PPP1R9A: variants seen among roughly 807,000 people sequenced by gnomAD.
PPP1R9A encodes the protein neurabin-1.
PPP1R9A carries 59 observed loss-of-function variants against 141.9 expected under a neutral mutation model. The observed-to-expected ratio is 0.42, with a 90% CI of 0.34 to 0.52. PPP1R9A has a LOEUF of 0.52. PPP1R9A is among the 20% of genes least tolerant of loss of function. The probability of loss-of-function intolerance (pLI) is 0.10; values close to 1 mark genes in which losing one functional copy is unlikely to be tolerated. For synonymous variants in PPP1R9A, 500 were observed against 569.7 expected (o/e 0.88, Z 1.74); for missense variants, 1,444 against 1,611.9 (o/e 0.90, Z 1.78).
intron 2 of PPP1R9A, among the ~76,000 whole-genome samples, chr7:95,050,858 A>C (rs1307582354): frequency 6.6e-6 from 1 of 152,228 alleles, no homozygotes; most frequent in Non-Finnish European, 1.5e-5. Flanking sequence ...TATATCATAG[A>C]ATTTTATAAT....
intron 8 of PPP1R9A, among the ~76,000 whole-genome samples, chr7:95,233,455 T>C (rs1796253956): frequency 1.3e-5 from 2 of 152,102 alleles, no homozygotes; most frequent in Admixed American, 6.6e-5. Flanking sequence ...CCGTGGCACA[T>C]GTATACCTAT....
chr7:95,108,302 C>CTTT (rs1819885993), intron 2 of PPP1R9A, among the ~76,000 whole-genome samples: 2 of 68,752 alleles, frequency 2.9e-5, no homozygotes, highest in African/African-American at 5.3e-5. Flanking sequence ...TTTTTCGTTT[C>CTTT]TTTTCTTTTT....
intron 5 of PPP1R9A, among the ~76,000 whole-genome samples, chr7:95,174,106 A>G (rs938544735): frequency 7.9e-5 from 12 of 152,150 alleles, no homozygotes; most frequent in Admixed American, 3.9e-4. Flanking sequence ...AAAACTGGAA[A>G]CAACTCAAGT....
At chr7:95,225,502 G>A (rs751718515) in intron 7 of PPP1R9A, among the ~76,000 whole-genome samples, 1 of 152,116 alleles carries the variant, frequency 6.6e-6, no homozygotes, top group Non-Finnish European at 1.5e-5. Context: ...CTAACGCTTA[G>A]GAGAATTAAT....
chr7:95,197,288 CAG>C (rs1836421805), intron 5 of PPP1R9A, among the ~76,000 whole-genome samples: 1 of 152,040 alleles, frequency 6.6e-6, no homozygotes, highest in Non-Finnish European at 1.5e-5. Context: ...TTTAGAAAAA[CAG>C]AAACATATTA....
At chr7:94,936,237 A>G (rs1003268291) in intron 2 of PPP1R9A, among the ~76,000 whole-genome samples, 42 of 152,302 alleles carry the variant, frequency 2.8e-4, no homozygotes, top group African/African-American at 8.9e-4. Flanking sequence ...TCTGGGCGCC[A>G]GTTTCCTCTT....
At chr7:95,289,990 A>G (rs1203831683) in intron 19 of PPP1R9A, 101 bp from the exon 20 acceptor site, 5 of 1,517,814 alleles carry the variant, frequency 3.3e-6, no homozygotes, top group Admixed American at 2.3e-5. Context: ...TTACCTCTTC[A>G]ATGTTTGAAT....
At chr7:95,078,347 A>G (rs1312494616) in intron 2 of PPP1R9A, among the ~76,000 whole-genome samples, 5 of 151,612 alleles carry the variant, frequency 3.3e-5, no homozygotes, top group Non-Finnish European at 5.9e-5. Flanking sequence ...TCCATGGTAT[A>G]TATGTGCCAC....
intron 2 of PPP1R9A, among the ~76,000 whole-genome samples, chr7:95,020,877 C>A (rs7792036): frequency 0.66 from 100,711 of 152,110 alleles, 34,349 homozygotes; most frequent in African/African-American, 0.82. Flanking sequence ...TCTGTCATTG[C>A]TGGGCATTTG....
intron 7 of PPP1R9A, among the ~76,000 whole-genome samples, chr7:95,223,682 A>G (rs953206420): frequency 6.6e-6 from 1 of 152,068 alleles, no homozygotes; most frequent in Non-Finnish European, 1.5e-5. Context: ...AAAACGTGCC[A>G]CATTGTTAGG....
At chr7:95,103,217 A>G (rs1819015940) in intron 2 of PPP1R9A, among the ~76,000 whole-genome samples, 1 of 22,220 alleles carries the variant, frequency 4.5e-5, no homozygotes, top group African/African-American at 1.9e-4. Context: ...AAATATATAT[A>G]GTATGTATAA....
At chr7:95,042,298 T>C (rs543281075) in intron 2 of PPP1R9A, among the ~76,000 whole-genome samples, 1 of 152,322 alleles carries the variant, frequency 6.6e-6, no homozygotes, top group East Asian at 1.9e-4. Flanking sequence ...AATGGGTCTT[T>C]TTCTGAAATT....
At chr7:95,086,564 A>G (rs572366395) in intron 2 of PPP1R9A, among the ~76,000 whole-genome samples, 18 of 152,112 alleles carry the variant, frequency 1.2e-4, no homozygotes, top group East Asian at 3.9e-4. Flanking sequence ...GTTGATTACT[A>G]ACTAAGGGGA....
At chr7:95,099,550 A>G (rs1818480189) in intron 2 of PPP1R9A, among the ~76,000 whole-genome samples, 1 of 152,152 alleles carries the variant, frequency 6.6e-6, no homozygotes, top group Non-Finnish European at 1.5e-5. Context: ...TTTAGGTTTA[A>G]TTGTCTTAGA....
chr7:95,268,279 A>G (rs1029125849), intron 12 of PPP1R9A, among the ~76,000 whole-genome samples: 4 of 152,156 alleles, frequency 2.6e-5, no homozygotes, highest in East Asian at 1.9e-4. Context: ...AGTGATTTTT[A>G]TAATTATATT....
chr7:95,216,166 G>A (rs1360081030), intron 7 of PPP1R9A, among the ~76,000 whole-genome samples: 1 of 152,154 alleles, frequency 6.6e-6, no homozygotes, highest in East Asian at 1.9e-4. Context: ...ATAAGGAAGG[G>A]ATCCAGTTTC....
At chr7:95,196,307 T>A (rs1399773471) in intron 5 of PPP1R9A, among the ~76,000 whole-genome samples, 1 of 152,138 alleles carries the variant, frequency 6.6e-6, no homozygotes, top group Non-Finnish European at 1.5e-5. Context: ...ATGGCCAAAA[T>A]TTTTAAAGAC....
chr7:95,037,679 T>A (rs1808624708), intron 2 of PPP1R9A, among the ~76,000 whole-genome samples: 1 of 151,880 alleles, frequency 6.6e-6, no homozygotes, highest in Admixed American at 6.6e-5. Flanking sequence ...AATACAAATC[T>A]GAAAGAATGC....
At chr7:95,216,730 T>C (rs963715244) in intron 7 of PPP1R9A, among the ~76,000 whole-genome samples, 1 of 152,222 alleles carries the variant, frequency 6.6e-6, no homozygotes, top group Admixed American at 6.5e-5. Flanking sequence ...TTTGAACCAA[T>C]TGTGAAAGGG....
Sources: allele counts gnomAD v4.1 joint callset (sites outside exome capture counted in the v4.1 genomes callset), GRCh38; gene constraint gnomAD v4.1.1; transcripts MANE v1.5; gene names NCBI Gene and HGNC (gene_info 2026-07-23, HGNC 2026-07-21).